The following WDR47 variants were observed in gnomAD, a reference collection of about 807,000 sequenced individuals.
WDR47 encodes the protein WD repeat-containing protein 47.
A neutral mutation model predicts 97.2 loss-of-function variants in WDR47; 32 were observed. That is an observed-to-expected ratio of 0.33 (90% CI 0.25 to 0.44). The LOEUF is 0.44. Among genes scored for constraint, WDR47 ranks in the 20% least tolerant of loss-of-function variants. The pLI is 1.00. For missense variants in WDR47, 782 were observed against 1,102.3 expected (o/e 0.71, Z 4.11); for synonymous variants, 375 against 373.5 (o/e 1.00, Z -0.05).
intron 1 of WDR47, among the ~76,000 whole-genome samples, chr1:109,034,986 T>A (rs548463032): frequency 1.1e-4 from 17 of 151,750 alleles, no homozygotes; most frequent in Admixed American, 3.3e-4. Context: ...CCGGGCACAG[T>A]GGCTCATGCC....
chr1:108,982,507 G>C (rs1658424551), intron 12 of WDR47, 102 bp downstream of exon 12: 1 of 1,393,530 alleles, frequency 7.2e-7, no homozygotes. Flanking sequence ...ACTCTGGACA[G>C]TAAGAGCAAG....
intron 8 of WDR47, among the ~76,000 whole-genome samples, chr1:108,995,295 G>C (rs986509709): frequency 3.3e-5 from 5 of 152,134 alleles, no homozygotes; most frequent in Non-Finnish European, 7.4e-5. Context: ...TCAAGATTTA[G>C]AGATCCTAAA....
intron 9 of WDR47, among the ~76,000 whole-genome samples, chr1:108,990,605 T>C (rs999194198): frequency 6.6e-6 from 1 of 152,164 alleles, no homozygotes; most frequent in African/African-American, 2.4e-5. Flanking sequence ...ATAAAAATGG[T>C]CAATTTTATT....
intron 2 of WDR47, among the ~76,000 whole-genome samples, chr1:109,018,731 C>T (rs1661603711): frequency 6.6e-6 from 1 of 151,576 alleles, no homozygotes; most frequent in East Asian, 2.0e-4. Context: ...GGGAGGATCA[C>T]TTGAGCCCAG....
intron 1 of WDR47, among the ~76,000 whole-genome samples, chr1:109,040,035 CAAAAAAAAAAAAA>C (rs71281820): frequency 2.0e-4 from 10 of 51,136 alleles, no homozygotes; most frequent in Admixed American, 1.1e-3. Context: ...GACTCCGTCT[CAAAAAAAAAAAAA>C]AAAAAAAAAG....
chr1:109,021,807 G>A (rs367824876), intron 2 of WDR47, among the ~76,000 whole-genome samples: 78 of 151,744 alleles, frequency 5.1e-4, no homozygotes, highest in African/African-American at 1.6e-3. Flanking sequence ...GATTACAGGC[G>A]TAAGCCACCA....
chr1:108,986,302 T>C (rs1658800432), intron 10 of WDR47, among the ~76,000 whole-genome samples: 2 of 152,190 alleles, frequency 1.3e-5, no homozygotes, highest in South Asian at 4.1e-4. Flanking sequence ...AGCAATGTTG[T>C]AATCAAAAAC....
chr1:109,037,808 T>C (rs1023938530), intron 1 of WDR47, among the ~76,000 whole-genome samples: 6 of 152,092 alleles, frequency 3.9e-5, no homozygotes, highest in East Asian at 1.9e-4. Context: ...TAATTATAAA[T>C]AGTATAAAAT....
At chr1:109,029,382 A>G (rs1246685439) in intron 1 of WDR47, among the ~76,000 whole-genome samples, 1 of 151,410 alleles carries the variant, frequency 6.6e-6, no homozygotes, top group Non-Finnish European at 1.5e-5. Flanking sequence ...CAAATTGGCC[A>G]GGCGCAGTGG....
At chr1:108,991,692 AT>A (rs1250799711) in intron 8 of WDR47, among the ~76,000 whole-genome samples, 3 of 152,206 alleles carry the variant, frequency 2.0e-5, no homozygotes, top group Non-Finnish European at 2.9e-5. Flanking sequence ...AGAGAAAAAA[AT>A]ATCAGAAACT....
In WDR47 at chr1:109,023,413, G is replaced by A. The variant is rs369610879; in HGVS notation, c.100C>T (p.Leu34=). 22 of 1,613,570 alleles carry A rather than the reference G, an allele frequency of 1.4e-5. No individual in the cohort carries two copies. Among genetic ancestry groups the A allele is most frequent in the Non-Finnish European group, 1.8e-5 (21 of 1,179,874 alleles). The change falls in exon 2 of 15, where the codon CTG becomes TTG. Residue 34 remains leucine, a synonymous_variant. Transcript: ENST00000369962. ...SKKLHISMLA[L]EKESGVINGL... ...TTTATGACTCCACTTTCCTTCTCCA[G>A]GGCCAGCATACTAATGTGAAGCTTC...
At chr1:108,983,233 T>C (rs1571147372) in intron 11 of WDR47, 49 bp downstream of exon 11, 1 of 1,466,394 alleles carries the variant, frequency 6.8e-7, no homozygotes, top group South Asian at 1.5e-5. Context: ...GGAGAAAACA[T>C]AACATATACA....
intron 5 of WDR47, among the ~76,000 whole-genome samples, chr1:109,008,888 C>A (rs921273893): frequency 6.6e-6 from 1 of 151,844 alleles, no homozygotes; most frequent in Non-Finnish European, 1.5e-5. Context: ...GATTACAGGC[C>A]TGAGCCACCG....
chr1:108,999,998 C>T (rs1053211787), intron 7 of WDR47, among the ~76,000 whole-genome samples: 2 of 152,200 alleles, frequency 1.3e-5, no homozygotes, highest in Non-Finnish European at 2.9e-5. Context: ...GAAAATGACA[C>T]TCAAACTGGA....
chr1:109,035,816 C>CTT (rs200992563), intron 1 of WDR47, among the ~76,000 whole-genome samples: 20 of 143,482 alleles, frequency 1.4e-4, no homozygotes, highest in African/African-American at 5.1e-4. Context: ...TTTGTATCTT[C>CTT]TTTTTTTTTT....
intron 6 of WDR47, among the ~76,000 whole-genome samples, 171 bp downstream of exon 6, chr1:109,004,421 T>C (rs1660432926): frequency 6.6e-6 from 1 of 152,196 alleles, no homozygotes; most frequent in African/African-American, 2.4e-5. Flanking sequence ...GGCAACTAAA[T>C]AGCCACATAT....
chr1:109,003,815 T>G (rs560648752), intron 6 of WDR47, among the ~76,000 whole-genome samples: 17 of 152,142 alleles, frequency 1.1e-4, no homozygotes, highest in African/African-American at 3.1e-4. Flanking sequence ...TATATAAAAC[T>G]TATACCCTAT....
At chr1:109,014,391 C>CTAAA (rs1661264055) in intron 3 of WDR47, among the ~76,000 whole-genome samples, 1 of 151,426 alleles carries the variant, frequency 6.6e-6, no homozygotes, top group Admixed American at 6.6e-5. Flanking sequence ...ATGAACATTT[C>CTAAA]TAAAACACTA....
intron 7 of WDR47, among the ~76,000 whole-genome samples, chr1:108,999,115 T>C (rs1187055189): frequency 1.3e-5 from 2 of 151,718 alleles, no homozygotes; most frequent in African/African-American, 4.8e-5. Flanking sequence ...TAATTCCAGC[T>C]ACTTGGGAGG....
Sources: allele counts gnomAD v4.1 joint callset (sites outside exome capture counted in the v4.1 genomes callset), GRCh38; gene constraint gnomAD v4.1.1; transcripts MANE v1.5; gene names NCBI Gene and HGNC (gene_info 2026-07-23, HGNC 2026-07-21).